NCOR2: variants seen among roughly 807,000 people sequenced by gnomAD.
NCOR2 encodes the protein nuclear receptor corepressor 2.
Under a neutral mutation model 262.9 loss-of-function variants are expected in NCOR2, and 81 were observed. The observed-to-expected ratio is 0.31, with a 90% CI of 0.26 to 0.37. The LOEUF (loss-of-function observed/expected upper bound fraction) is 0.37, where lower values mean the gene tolerates loss of function less well. NCOR2 is among the 10% of genes least tolerant of loss of function. NCOR2 has a pLI of 1.00. For missense variants in NCOR2, 3,385 were observed against 3,621.4 expected (o/e 0.93, Z 1.68); for synonymous variants, 1,659 against 1,559.3 (o/e 1.06, Z -1.51).
intron 8 of NCOR2, among the ~76,000 whole-genome samples, chr12:124,436,097 C>A (rs1166583286): frequency 6.6e-6 from 1 of 152,244 alleles, no homozygotes; most frequent in Non-Finnish European, 1.5e-5. Context: ...CGTGTCACAG[C>A]AACTGCGAGC....
Position 124,531,610 on chromosome 12 carries a change from G to C in NCOR2, c.-118+3955C>G, listed in dbSNP as rs575639501. Among the ~76,000 whole-genome samples the C allele has an allele frequency of 6.6e-6, 1 of 152,054 alleles. No individual in the cohort carries two copies. The highest frequency in any genetic ancestry group is 1.9e-4 in the East Asian group (1 of 5,148). ...GAAGGAGAGAGAGGAGGATGGCAGA[G>C]AGGGAAGGGTGGTGGCGCAGACAGG... On this transcript the variant is annotated intron_variant, in intron 1 of 46. Coordinates refer to the NCOR2 transcript ENST00000404621. The surrounding 1 kb of genome is among the most constrained non-coding windows in gnomAD (Gnocchi z 4.5).
At chr12:124,505,530 C>T (rs2048996875) in intron 1 of NCOR2, among the ~76,000 whole-genome samples, 1 of 152,250 alleles carries the variant, frequency 6.6e-6, no homozygotes, top group Admixed American at 6.5e-5. Flanking sequence ...TCAACCAAGC[C>T]ACCTCCTGTG....
At chr12:124,439,417 A>G (rs2044679283) in intron 7 of NCOR2, among the ~76,000 whole-genome samples, 1 of 100,466 alleles carries the variant, frequency 1.0e-5, no homozygotes, top group Admixed American at 1.0e-4. Flanking sequence ...AGAGACCCAG[A>G]GAGAGAGAGA....
intron 20 of NCOR2, among the ~76,000 whole-genome samples, chr12:124,366,597 C>T (rs182509370): frequency 5.4e-4 from 82 of 152,226 alleles, no homozygotes; most frequent in Admixed American, 1.0e-3. Context: ...GCCTTGACCC[C>T]CTGGGCTCAC....
At chr12:124,385,394 C>G (rs2040728225) in intron 17 of NCOR2, among the ~76,000 whole-genome samples, 1 of 152,192 alleles carries the variant, frequency 6.6e-6, no homozygotes, top group South Asian at 2.1e-4. Flanking sequence ...GCGCTGACAG[C>G]CCGAATTCCT....
chr12:124,347,538 G>A lies in NCOR2; in HGVS notation c.4072+287C>T, dbSNP rs2037039641. 8 of 411,478 alleles carry A rather than the reference G, an allele frequency of 1.9e-5. No individual in the cohort carries two copies. The South Asian group carries it at 3.8e-4, about 20-fold the overall frequency. 25.5% of individuals were successfully genotyped at this position (411,478 alleles called of 1,614,324 possible). On this transcript the variant is annotated intron_variant, in intron 30 of 46. Transcript: ENST00000405201. ...GCCTCACCAGGATGTTCTGTAAAACGATACGCAGGTGGCACCTGGGTTAGT... is the reference window on the plus strand; with the variant it reads ...GCCTCACCAGGATGTTCTGTAAAACAATACGCAGGTGGCACCTGGGTTAGT...
intron 13 of NCOR2, among the ~76,000 whole-genome samples, chr12:124,403,957 G>A (rs1445830088): frequency 1.3e-5 from 2 of 152,224 alleles, no homozygotes; most frequent in Non-Finnish European, 2.9e-5. Flanking sequence ...GGAAGGGGCA[G>A]AGTTGCCCGA....
chr12:124,469,336 T>G (rs1042062880), intron 4 of NCOR2, among the ~76,000 whole-genome samples: 5 of 152,114 alleles, frequency 3.3e-5, no homozygotes, highest in African/African-American at 1.2e-4. Flanking sequence ...TTTTACAGAC[T>G]CCATCGCTGG....
chr12:124,558,342 C>G (rs771661389), intron 1 of NCOR2, among the ~76,000 whole-genome samples: 42 of 151,016 alleles, frequency 2.8e-4, no homozygotes, highest in South Asian at 8.4e-4. Context: ...GGGGAGGCCA[C>G]AGGTGGGCAG....
chr12:124,415,372 C>T (rs2042802976), intron 13 of NCOR2, among the ~76,000 whole-genome samples: 1 of 152,272 alleles, frequency 6.6e-6, no homozygotes, highest in African/African-American at 2.4e-5. Context: ...GCGGCAGTCA[C>T]TGCATCTCCA....
chr12:124,401,500 A>G (rs1461177272), intron 14 of NCOR2, among the ~76,000 whole-genome samples: 1 of 152,200 alleles, frequency 6.6e-6, no homozygotes, highest in Non-Finnish European at 1.5e-5. Context: ...CAGAGGAGCT[A>G]TTTCCAGAGG....
intron 15 of NCOR2, among the ~76,000 whole-genome samples, chr12:124,398,482 T>C (rs146997106): frequency 1.1e-3 from 173 of 152,314 alleles, no homozygotes; most frequent in African/African-American, 3.9e-3. Flanking sequence ...GATCACCCCA[T>C]TTTATAGAAG....
intron 11 of NCOR2, among the ~76,000 whole-genome samples, chr12:124,423,481 G>A (rs934011484): frequency 1.1e-4 from 16 of 152,192 alleles, no homozygotes; most frequent in African/African-American, 1.4e-4. Context: ...CCAGACATCC[G>A]AGGATCCTGA....
Position 124,483,803 on chromosome 12 carries a change from T to A in NCOR2, c.234-30A>T, listed in dbSNP as rs747443. 6.4e-7 allele frequency: 1 copy of A among 1,556,014 alleles called. No homozygotes were observed. Among genetic ancestry groups the A allele is most frequent in the Non-Finnish European group, 8.7e-7 (1 of 1,151,124 alleles). On this transcript the variant is annotated intron_variant, in intron 2 of 46. Transcript: ENST00000405201. The surrounding 1 kb of genome is among the most constrained non-coding windows in gnomAD (Gnocchi z 6.3). ...AGGAGGTGAGGCATCCAACGTCACATAGGAGATTGCGGCTCTGAGAACTCC... is the reference window on the plus strand; with the variant it reads ...AGGAGGTGAGGCATCCAACGTCACAAAGGAGATTGCGGCTCTGAGAACTCC...
rs1051288855 is a variant in NCOR2, at chr12:124,549,554, C to T, written c.-164-13943G>A. ...CTTCTGCCCCAGCGCCGGGGCACAGCGGGCTGAGGGAGCCCCAGGACAGAA... is the reference window on the plus strand; with the variant it reads ...CTTCTGCCCCAGCGCCGGGGCACAGTGGGCTGAGGGAGCCCCAGGACAGAA... On this transcript the variant is annotated intron_variant, in intron 1 of 32. Coordinates refer to the NCOR2 transcript ENST00000458234. This position sits in a 1 kb window ranked among gnomAD's most constrained non-coding sequence, Gnocchi z 4.4. 6.6e-6 allele frequency among the ~76,000 whole-genome samples: 1 copy of T among 152,112 alleles called. No homozygotes were observed. The highest frequency in any genetic ancestry group is 1.5e-5 in the Non-Finnish European group (1 of 68,006).
At chr12:124,528,069 G>A (rs1464690403) in intron 1 of NCOR2, among the ~76,000 whole-genome samples, 8 of 152,082 alleles carry the variant, frequency 5.3e-5, no homozygotes, top group Admixed American at 2.6e-4. Flanking sequence ...CGGAACAGAC[G>A]TCATCCCTTC....
At chr12:124,431,535 G>A (rs1382662903) in intron 8 of NCOR2, among the ~76,000 whole-genome samples, 1 of 147,338 alleles carries the variant, frequency 6.8e-6, no homozygotes, top group East Asian at 2.1e-4. Flanking sequence ...GATATACACA[G>A]GCACACATAC....
chr12:124,456,509 CCAT>C (rs377759859), intron 6 of NCOR2, among the ~76,000 whole-genome samples: 9 of 151,942 alleles, frequency 5.9e-5, no homozygotes, highest in South Asian at 2.1e-4. Context: ...GCCATCATCG[CCAT>C]CATCATCATC....
upstream of NCOR2, chr12:124,538,468 G>C (rs1047474754): frequency 5.9e-5 from 9 of 153,206 alleles, no homozygotes; most frequent in Admixed American, 5.2e-4. Context: ...GCAGAGCCAG[G>C]GGGAGAGGAA....
Sources: allele counts gnomAD v4.1 joint callset (sites outside exome capture counted in the v4.1 genomes callset), GRCh38; gene constraint gnomAD v4.1.1; non-coding constraint Gnocchi (gnomAD v3.1); transcripts MANE v1.5; gene names NCBI Gene and HGNC (gene_info 2026-07-23, HGNC 2026-07-21).